CPLX2: variants seen among roughly 807,000 people sequenced by gnomAD.
CPLX2 encodes complexin 2, also known as complexin-2.
CPLX2 carries 5 observed loss-of-function variants against 16.3 expected under a neutral mutation model. The observed-to-expected ratio is 0.31, with a 90% CI of 0.16 to 0.64. CPLX2 has a LOEUF of 0.64. CPLX2 is among the 30% of genes least tolerant of loss of function. The probability of loss-of-function intolerance (pLI) is 0.79; values close to 1 mark genes in which losing one functional copy is unlikely to be tolerated. For synonymous variants in CPLX2, 89 were observed against 73.2 expected, an observed-to-expected ratio of 1.22 and a Z score of -1.10; for missense variants, 144 against 181.4, an observed-to-expected ratio of 0.79 and a Z score of 1.18.
Position 175,860,968 on chromosome 5 carries a change from T to C in CPLX2, c.-88-17684T>C, listed in dbSNP as rs544959359. ...AGGGTGAGAGCATGGAAGGATCTCA[T>C]GGGGTTATGTGTGTGGGTGAGAAAT... On this transcript the variant is annotated intron_variant, in intron 2 of 4. Coordinates refer to the CPLX2 transcript ENST00000359546. Among the ~76,000 whole-genome samples the C allele has an allele frequency of 1.1e-4, 16 of 145,778 alleles. No homozygotes were observed. In the South Asian group the frequency reaches 3.3e-3, roughly 30 times the overall value.
At chr5:175,833,565 G>T (rs1254455309) in intron 2 of CPLX2, among the ~76,000 whole-genome samples, 1 of 151,864 alleles carries the variant, frequency 6.6e-6, no homozygotes, top group Non-Finnish European at 1.5e-5. Context: ...AAATGGAAAT[G>T]GGGGGGCCTG....
At chr5:175,839,300 T>TTTGTTTG (rs1561779767) in intron 2 of CPLX2, among the ~76,000 whole-genome samples, 1 of 146,464 alleles carries the variant, frequency 6.8e-6, no homozygotes, top group Non-Finnish European at 1.5e-5. Context: ...TTGTTTGTTT[T>TTTGTTTG]TTTGAGAAGG....
chr5:175,878,808 C>A, intron 2 of CPLX2, 38 bp downstream of exon 2: 1 of 1,611,716 alleles, frequency 6.2e-7, no homozygotes. Flanking sequence ...CTCAGCCGGT[C>A]CCACCCTTGT....
At chr5:175,820,720 G>A (rs561669506) in intron 2 of CPLX2, among the ~76,000 whole-genome samples, 2 of 152,156 alleles carry the variant, frequency 1.3e-5, no homozygotes, top group African/African-American at 2.4e-5. Flanking sequence ...TCCTTAATCC[G>A]TGCTGCATTT....
chr5:175,868,284 C>T (rs1336104806), upstream of CPLX2, among the ~76,000 whole-genome samples: 1 of 152,210 alleles, frequency 6.6e-6, no homozygotes, highest in Non-Finnish European at 1.5e-5. Flanking sequence ...CTTACGCAAG[C>T]TCTCTCACTG....
chr5:175,809,512 A>G lies in CPLX2; in HGVS notation c.-89+444A>G, dbSNP rs1450574693. The G allele has an allele frequency of 1.3e-5, 2 of 152,332 alleles. No individual in the cohort carries two copies. The highest frequency in any genetic ancestry group is 4.8e-5 in the African/African-American group (2 of 41,434). 9.4% of individuals were successfully genotyped at this position (152,332 alleles called of 1,614,324 possible). ...TGAATGAACTGATGAACTGCCCAAG[A>G]TGAATGGAAAGGCAGGGCTGGGCTG... On this transcript the variant is annotated intron_variant, in intron 2 of 4. Coordinates refer to the CPLX2 transcript ENST00000359546. This position sits in a 1 kb window ranked among gnomAD's most constrained non-coding sequence, Gnocchi z 4.4.
chr5:175,859,904 C>T (rs1050094284), intron 2 of CPLX2, among the ~76,000 whole-genome samples: 1 of 152,180 alleles, frequency 6.6e-6, no homozygotes. Flanking sequence ...ACACACAGCT[C>T]CAAAGTTACA....
chr5:175,863,008 G>C lies in CPLX2; in HGVS notation c.-88-15644G>C, dbSNP rs1759401277. Among the ~76,000 whole-genome samples the C allele has an allele frequency of 1.3e-5, 2 of 152,324 alleles. 1 individual carries two copies. Among genetic ancestry groups the C allele is most frequent in the Middle Eastern group, 6.8e-3 (2 of 294 alleles). ...TTAGAAAGCTCTGATTCTCCTACAG[G>C]TCTGGAAGCCAGTTAGAAAGTAAAG... On this transcript the variant is annotated intron_variant, in intron 2 of 4. Transcript: ENST00000359546.
intron 2 of CPLX2, among the ~76,000 whole-genome samples, chr5:175,819,462 C>T (rs1248129435): frequency 6.6e-6 from 1 of 152,146 alleles, no homozygotes; most frequent in Non-Finnish European, 1.5e-5. Flanking sequence ...GGAGTGGTGC[C>T]GTTGGAATTT....
intron 2 of CPLX2, among the ~76,000 whole-genome samples, chr5:175,838,355 C>T (rs1376585489): frequency 6.6e-6 from 1 of 151,242 alleles, no homozygotes; most frequent in Non-Finnish European, 1.5e-5. Flanking sequence ...GCAAGCTCCA[C>T]CTCCTGGGTT....
At chr5:175,821,307 C>T (rs1317396732) in intron 2 of CPLX2, among the ~76,000 whole-genome samples, 1 of 152,120 alleles carries the variant, frequency 6.6e-6, no homozygotes, top group Admixed American at 6.6e-5. Context: ...TCCTTCACCC[C>T]CTTCCTGACT....
intron 2 of CPLX2, among the ~76,000 whole-genome samples, chr5:175,836,309 C>T (rs1453725075): frequency 6.6e-6 from 1 of 152,112 alleles, no homozygotes. Context: ...GAGATCGTGC[C>T]ACTGCACTCC....
chr5:175,878,090 A>T (rs1272848445), intron 1 of CPLX2: 1 of 152,348 alleles, frequency 6.6e-6, no homozygotes, highest in Non-Finnish European at 1.5e-5. Flanking sequence ...AAAAGTCAGG[A>T]TCTGTTTATC....
intron 2 of CPLX2, among the ~76,000 whole-genome samples, chr5:175,815,733 C>T (rs1448580201): frequency 6.6e-6 from 1 of 152,220 alleles, no homozygotes; most frequent in Non-Finnish European, 1.5e-5. Context: ...TTGCCCCTCC[C>T]TCTGCCTTGC....
intron 2 of CPLX2, among the ~76,000 whole-genome samples, chr5:175,813,104 C>G (rs978938130): frequency 2.6e-5 from 4 of 152,096 alleles, no homozygotes; most frequent in Admixed American, 6.5e-5. Flanking sequence ...GGCTGGCACA[C>G]GTGTGATTGA....
intron 1 of CPLX2, among the ~76,000 whole-genome samples, chr5:175,873,237 C>G (rs1581103395): frequency 6.9e-6 from 1 of 145,394 alleles, no homozygotes; most frequent in Admixed American, 7.0e-5. Flanking sequence ...GACCTCAGCA[C>G]TCCCGCAGGC....
At position 175,823,132 on chromosome 5, in the gene CPLX2, T is replaced by C. The variant is rs554899878; in HGVS notation, c.-89+14064T>C. Among the ~76,000 whole-genome samples the C allele has an allele frequency of 5.7e-4, 87 of 152,362 alleles. 1 individual carries two copies. Among genetic ancestry groups the C allele is most frequent in the Admixed American group, 5.6e-3 (86 of 15,304 alleles). Reference sequence around the variant, plus strand: ...CTTATGCTTCCCCTATTATCATATTTTTCGTGTTTATTATACTATTCTATT... The same window carrying C: ...CTTATGCTTCCCCTATTATCATATTCTTCGTGTTTATTATACTATTCTATT... On this transcript the variant is annotated intron_variant, in intron 2 of 4. Transcript: ENST00000359546.
intron 2 of CPLX2, among the ~76,000 whole-genome samples, chr5:175,831,060 CTG>C (rs1293437476): frequency 2.0e-5 from 3 of 151,962 alleles, no homozygotes; most frequent in Non-Finnish European, 2.9e-5. Context: ...AAGTGCGTCT[CTG>C]TGTCTGTGAA....
At position 175,872,693 on chromosome 5, in the gene CPLX2, T is replaced by C. The variant is rs1006950478; in HGVS notation, c.-89+988T>C. The C allele has an allele frequency of 6.6e-6, 1 of 151,558 alleles. No homozygotes were observed. Among genetic ancestry groups the C allele is most frequent in the African/African-American group, 2.4e-5 (1 of 41,348 alleles). 9.4% of individuals were successfully genotyped at this position (151,558 alleles called of 1,614,324 possible). The stretch of plus-strand genomic sequence containing the variant: ...GCGTCTCCCATCCCGGGCCACGGGG[T>C]GGGGACGGGGCGGGGGGAGGGGGTG... On this transcript the variant is annotated intron_variant, in intron 1 of 3. Coordinates refer to ENST00000393745, the MANE Select transcript of CPLX2 (RefSeq NM_001008220.2). The surrounding 1 kb of genome is among the most constrained non-coding windows in gnomAD (Gnocchi z 5.0).
Sources: allele counts gnomAD v4.1 joint callset (sites outside exome capture counted in the v4.1 genomes callset), GRCh38; gene constraint gnomAD v4.1.1; non-coding constraint Gnocchi (gnomAD v3.1); transcripts MANE v1.5; gene names NCBI Gene and HGNC (gene_info 2026-07-23, HGNC 2026-07-21).